Variants in DLGAP1 observed in about 807,000 individuals in gnomAD.
The protein encoded by DLGAP1 is DLG associated protein 1.
Under a neutral mutation model 90.8 loss-of-function variants are expected in DLGAP1, and 11 were observed. That is an observed-to-expected ratio of 0.12 (90% CI 0.08 to 0.20). The LOEUF is 0.20. Ranked by LOEUF, DLGAP1 falls within the 10% of genes least tolerant of loss-of-function variation. The pLI is 1.00. For missense variants in DLGAP1, 1,050 were observed against 1,333.8 expected (o/e 0.79, Z 3.31); for synonymous variants, 558 against 540.7 (o/e 1.03, Z -0.44).
chr18:4,128,051 C>T (rs1305370969), intron 2 of DLGAP1, among the ~76,000 whole-genome samples: 1 of 152,016 alleles, frequency 6.6e-6, no homozygotes, highest in Non-Finnish European at 1.5e-5. Flanking sequence ...CAATATTTCC[C>T]CTCAATAACA....
At chr18:4,345,754 G>C (rs1467801186) in intron 1 of DLGAP1, among the ~76,000 whole-genome samples, 1 of 152,138 alleles carries the variant, frequency 6.6e-6, no homozygotes, top group East Asian at 1.9e-4. Context: ...TTTTGTGCTA[G>C]CCTACTTTTT....
chr18:4,079,481 C>T (rs2075573371), intron 2 of DLGAP1, among the ~76,000 whole-genome samples: 1 of 151,912 alleles, frequency 6.6e-6, no homozygotes, highest in Non-Finnish European at 1.5e-5. Flanking sequence ...AGGAGCTAAG[C>T]TATGGGTACA....
At chr18:3,828,639 C>CAAAAAAA (rs71368713) in intron 4 of DLGAP1, among the ~76,000 whole-genome samples, 4 of 21,362 alleles carry the variant, frequency 1.9e-4, no homozygotes, top group East Asian at 1.6e-3. Flanking sequence ...GACTCTATCT[C>CAAAAAAA]AAAAAAAAAA....
At chr18:4,363,783 T>C (rs1028284968) in intron 1 of DLGAP1, among the ~76,000 whole-genome samples, 1 of 152,056 alleles carries the variant, frequency 6.6e-6, no homozygotes, top group Non-Finnish European at 1.5e-5. Context: ...TGTGGAGAAA[T>C]AGGAACACTT....
intron 7 of DLGAP1, among the ~76,000 whole-genome samples, chr18:3,626,245 C>T (rs1047057468): frequency 4.0e-5 from 6 of 148,852 alleles, no homozygotes; most frequent in African/African-American, 7.5e-5. Context: ...GAGTAGTGAT[C>T]GCGCCAGTGC....
intron 2 of DLGAP1, among the ~76,000 whole-genome samples, chr18:4,025,678 T>C (rs2074688057): frequency 6.6e-6 from 1 of 152,196 alleles, no homozygotes; most frequent in South Asian, 2.1e-4. Flanking sequence ...GATCTCTGCC[T>C]TCTAAGGTTA....
At chr18:4,246,211 G>T (rs1300190976) in intron 1 of DLGAP1, among the ~76,000 whole-genome samples, 1 of 151,968 alleles carries the variant, frequency 6.6e-6, no homozygotes, top group Non-Finnish European at 1.5e-5. Context: ...GTTTTATGAA[G>T]TTCTTAACAT....
chr18:3,901,658 C>A (rs2071786541), intron 3 of DLGAP1, among the ~76,000 whole-genome samples: 1 of 152,084 alleles, frequency 6.6e-6, no homozygotes, highest in African/African-American at 2.4e-5. Flanking sequence ...TTACCACCTA[C>A]ATGGGGTATT....
chr18:3,666,790 T>G (rs993168088), intron 7 of DLGAP1, among the ~76,000 whole-genome samples: 7 of 152,244 alleles, frequency 4.6e-5, no homozygotes, highest in Non-Finnish European at 1.0e-4. Context: ...AGGGTCTTGC[T>G]GTGTCATTCA....
chr18:3,888,515 C>A (rs945049114), intron 3 of DLGAP1, among the ~76,000 whole-genome samples: 1 of 151,828 alleles, frequency 6.6e-6, no homozygotes, highest in Non-Finnish European at 1.5e-5. Flanking sequence ...CAAATAAATG[C>A]CTTCGGAGGC....
At chr18:4,395,832 G>A (rs1002939805) in intron 1 of DLGAP1, among the ~76,000 whole-genome samples, 9 of 152,070 alleles carry the variant, frequency 5.9e-5, no homozygotes, top group East Asian at 5.8e-4. Context: ...ATAATCAAAC[G>A]CCCAAGTAAT....
At position 4,194,277 on chromosome 18, in the gene DLGAP1, G is replaced by A. The variant is rs537773036; in HGVS notation, c.-266-42990C>T. ...GCAGTATTTGGGTTTCTGTTCCTGC[G>A]TTAATTTCTTTAGGATAATGTTGGC... On this transcript the variant is annotated intron_variant, in intron 1 of 12. Transcript: ENST00000315677. 3.3e-5 allele frequency among the ~76,000 whole-genome samples: 5 copies of A among 152,156 alleles called. No homozygotes were observed. In the East Asian group the frequency reaches 5.8e-4, roughly 18 times the overall value.
chr18:3,854,466 T>A (rs948779685), intron 4 of DLGAP1, among the ~76,000 whole-genome samples: 1 of 152,216 alleles, frequency 6.6e-6, no homozygotes, highest in African/African-American at 2.4e-5. Flanking sequence ...AATGACACTT[T>A]TAGATGAGCG....
chr18:4,172,234 A>G (rs1352649035), intron 1 of DLGAP1, among the ~76,000 whole-genome samples: 2 of 152,226 alleles, frequency 1.3e-5, no homozygotes, highest in African/African-American at 4.8e-5. Flanking sequence ...AGAATGAACC[A>G]TAAATAGAAG....
intron 7 of DLGAP1, chr18:3,655,788 A>T (rs1358079150): frequency 8.8e-6 from 3 of 341,496 alleles, no homozygotes; most frequent in African/African-American, 4.2e-5. Context: ...GCCTCAAATA[A>T]GGCCACAGAA....
intron 1 of DLGAP1, among the ~76,000 whole-genome samples, chr18:4,321,712 A>G (rs1049145773): frequency 2.2e-4 from 34 of 152,382 alleles, no homozygotes; most frequent in African/African-American, 7.9e-4. Context: ...AGAAATGGCT[A>G]CAAGAACTTA....
rs1261876760 is a variant in DLGAP1, at chr18:3,815,232, A to G, written c.958-959T>C. ...CTCATATCCAGTCTGTCTTCTTCCT[A>G]AACCAGTGGTCTCTACCAGCTGCAT... On this transcript the variant is annotated intron_variant, in intron 4 of 12. Coordinates refer to ENST00000315677, the MANE Select transcript of DLGAP1 (RefSeq NM_004746.4). Among the ~76,000 whole-genome samples the G allele has an allele frequency of 3.3e-5, 5 of 152,290 alleles. No individual in the cohort carries two copies. The East Asian group carries it at 9.7e-4, about 29-fold the overall frequency.
rs559588791 is a variant in DLGAP1, at chr18:3,859,829, G to A, written c.957+19283C>T. On this transcript the variant is annotated intron_variant, in intron 4 of 12. Coordinates refer to ENST00000315677, the MANE Select transcript of DLGAP1 (RefSeq NM_004746.4). ...TAAATTTGCGTTGTGGGCCAGGCAC[G>A]GTGGCTCACGCCTGTAATCCCAGCA... Among the ~76,000 whole-genome samples, 5 of 152,236 alleles carry A rather than the reference G, an allele frequency of 3.3e-5. No individual in the cohort carries two copies. In the South Asian group the frequency reaches 6.2e-4, roughly 19 times the overall value.
At chr18:3,902,709 A>AAT (rs1391197558) in intron 3 of DLGAP1, among the ~76,000 whole-genome samples, 1 of 152,208 alleles carries the variant, frequency 6.6e-6, no homozygotes, top group Non-Finnish European at 1.5e-5. Context: ...TAAAACTAAA[A>AAT]GACATTTTAG....
Sources: allele counts gnomAD v4.1 joint callset (sites outside exome capture counted in the v4.1 genomes callset), GRCh38; gene constraint gnomAD v4.1.1; transcripts MANE v1.5; gene names NCBI Gene and HGNC (gene_info 2026-07-23, HGNC 2026-07-21).